The following COL23A1 variants were observed in gnomAD, a reference collection of about 807,000 sequenced individuals.
COL23A1 encodes the protein collagen type XXIII alpha 1 chain, also known as collagen alpha-1(XXIII) chain.
In COL23A1, 97 loss-of-function variants were observed where a neutral mutation model predicts 99.3. The ratio of observed to expected loss-of-function variants is 0.98; its 90% CI spans 0.83 to 1.16. The LOEUF is 1.16. Ranked by LOEUF, COL23A1 falls within the 50% of genes most tolerant of loss-of-function variation. COL23A1 has a pLI of 0.00. For synonymous variants in COL23A1, 320 were observed against 308.2 expected, an observed-to-expected ratio of 1.04 and a Z score of -0.40; for missense variants, 762 against 757.4, an observed-to-expected ratio of 1.01 and a Z score of -0.07.
At chr5:178,530,114 A>G (rs1360349242) in intron 2 of COL23A1, among the ~76,000 whole-genome samples, 1 of 152,204 alleles carries the variant, frequency 6.6e-6, no homozygotes, top group East Asian at 1.9e-4. Context: ...AAACCTACAG[A>G]TGCACAGCGG....
rs769472989 is a variant in COL23A1 at position 178,263,250 on chromosome 5, GCCAGGAGGGCCCCGGGCC to G, written c.579_596del (p.Ala194_Gly199del). The stretch of plus-strand genomic sequence containing the variant: ...CCCTGGGGCCATCTTTCCCAGTGTC[GCCAGGAGGGCCCCGGGCC>G]CCAGGAGGTCCAGGGGGCCCCGGAG... On this transcript the variant is annotated inframe_deletion, in exon 9 of 29. Coordinates refer to ENST00000390654, the MANE Select transcript of COL23A1 (RefSeq NM_173465.4). The G allele has an allele frequency of 6.2e-6, 10 of 1,613,356 alleles. No homozygotes were observed. The South Asian group carries it at 1.1e-4, about 18-fold the overall frequency.
intron 2 of COL23A1, among the ~76,000 whole-genome samples, chr5:178,539,045 T>G (rs1423759706): frequency 6.6e-6 from 1 of 152,182 alleles, no homozygotes; most frequent in Non-Finnish European, 1.5e-5. Flanking sequence ...AGAAATTAAA[T>G]AGATTCGTGG....
chr5:178,276,797 G>C (rs1756609568), intron 5 of COL23A1, among the ~76,000 whole-genome samples: 1 of 152,232 alleles, frequency 6.6e-6, no homozygotes, highest in African/African-American at 2.4e-5. Flanking sequence ...GGTGCCTTGA[G>C]GGTGGCACAA....
chr5:178,384,925 G>A lies in COL23A1; in HGVS notation c.362-78006C>T, dbSNP rs557669908. Among the ~76,000 whole-genome samples, 13 of 152,024 alleles carry A rather than the reference G, an allele frequency of 8.6e-5. No homozygotes were observed. Among genetic ancestry groups the A allele is most frequent in the Non-Finnish European group, 1.6e-4 (11 of 67,938 alleles). On this transcript the variant is annotated intron_variant, in intron 2 of 28. Coordinates refer to ENST00000390654, the MANE Select transcript of COL23A1 (RefSeq NM_173465.4). This position sits in a 1 kb window ranked among gnomAD's most constrained non-coding sequence, Gnocchi z 5.5. ...AGGTCAAATGGGTGGCGAGGCTCCC[G>A]CTCCTTCCCTGTGCCCAGCCTCCCT...
intron 2 of COL23A1, among the ~76,000 whole-genome samples, chr5:178,462,744 C>A (rs1006750277): frequency 6.6e-6 from 1 of 152,172 alleles, no homozygotes; most frequent in Non-Finnish European, 1.5e-5. Flanking sequence ...CTACAAATTA[C>A]GAGTCAGATC....
At chr5:178,579,588 G>C (rs565804256) in intron 1 of COL23A1, among the ~76,000 whole-genome samples, 2 of 152,188 alleles carry the variant, frequency 1.3e-5, no homozygotes, top group African/African-American at 4.8e-5. Context: ...CGAGTAGCTC[G>C]GATTACAGAC....
At chr5:178,422,288 C>T (rs1561957837) in intron 2 of COL23A1, among the ~76,000 whole-genome samples, 1 of 152,172 alleles carries the variant, frequency 6.6e-6, no homozygotes, top group Non-Finnish European at 1.5e-5. Context: ...AGCTCCTGCA[C>T]GTTCTTGCCC....
intron 2 of COL23A1, among the ~76,000 whole-genome samples, chr5:178,378,422 C>T (rs1401158750): frequency 6.6e-6 from 1 of 152,108 alleles, no homozygotes; most frequent in African/African-American, 2.4e-5. Context: ...TGTACTTCTG[C>T]CGCTGACTGG....
intron 2 of COL23A1, among the ~76,000 whole-genome samples, chr5:178,352,403 C>A (rs914657694): frequency 6.6e-6 from 1 of 152,252 alleles, no homozygotes; most frequent in Non-Finnish European, 1.5e-5. Flanking sequence ...GTGAGAACTT[C>A]TGCTGAAGAA....
At chr5:178,314,851 G>A (rs926327802) in intron 2 of COL23A1, among the ~76,000 whole-genome samples, 13 of 152,134 alleles carry the variant, frequency 8.5e-5, no homozygotes, top group Admixed American at 7.9e-4. Context: ...GTAGAGTCAC[G>A]CAGTTCTGAT....
At chr5:178,358,099 ATG>A (rs142465793) in intron 2 of COL23A1, among the ~76,000 whole-genome samples, 19 of 138,772 alleles carry the variant, frequency 1.4e-4, no homozygotes, top group African/African-American at 4.1e-4. Context: ...TGTAGGTCTA[ATG>A]TGTGTGTATG....
At chr5:178,562,814 T>A (rs981879220) in intron 1 of COL23A1, 5 of 151,030 alleles carry the variant, frequency 3.3e-5, no homozygotes, top group Non-Finnish European at 7.3e-5. Flanking sequence ...AGAGTGCTGA[T>A]TGGTCCACTT....
At chr5:178,348,494 T>G (rs887378191) in intron 2 of COL23A1, among the ~76,000 whole-genome samples, 2 of 152,130 alleles carry the variant, frequency 1.3e-5, no homozygotes, top group African/African-American at 4.8e-5. Context: ...GCTACCTCCC[T>G]TGGCAGTCAG....
intron 2 of COL23A1, among the ~76,000 whole-genome samples, chr5:178,445,846 G>A (rs974645660): frequency 6.6e-6 from 1 of 151,914 alleles, no homozygotes; most frequent in Non-Finnish European, 1.5e-5. Context: ...GAAATTGAAA[G>A]GCAGCTGAGA....
intron 11 of COL23A1, among the ~76,000 whole-genome samples, chr5:178,261,079 C>T (rs554456340): frequency 6.6e-6 from 1 of 151,960 alleles, no homozygotes; most frequent in East Asian, 1.9e-4. Context: ...TCTGTACTTT[C>T]TGTTTAGTTT....
chr5:178,283,078 G>A (rs1756982556), intron 5 of COL23A1, among the ~76,000 whole-genome samples: 1 of 152,016 alleles, frequency 6.6e-6, no homozygotes, highest in South Asian at 2.1e-4. Context: ...TAGAGACAGG[G>A]TTTCACCGTA....
chr5:178,351,004 G>A (rs528618748), intron 2 of COL23A1: 1 of 152,308 alleles, frequency 6.6e-6, no homozygotes, highest in Admixed American at 6.5e-5. Context: ...GCCAGCGGGG[G>A]TGGTCTCCTG....
At chr5:178,518,925 C>G (rs1435685262) in intron 2 of COL23A1, among the ~76,000 whole-genome samples, 1 of 93,172 alleles carries the variant, frequency 1.1e-5, no homozygotes, top group Non-Finnish European at 2.0e-5. Flanking sequence ...TCCCGGCGGT[C>G]GGGCGGCGGC....
intron 1 of COL23A1, among the ~76,000 whole-genome samples, chr5:178,584,341 C>T (rs1562113094): frequency 6.8e-6 from 1 of 147,998 alleles, no homozygotes; most frequent in South Asian, 2.2e-4. Flanking sequence ...CACACACACA[C>T]ACCTAGAAAT....
Sources: allele counts gnomAD v4.1 joint callset (sites outside exome capture counted in the v4.1 genomes callset), GRCh38; gene constraint gnomAD v4.1.1; non-coding constraint Gnocchi (gnomAD v3.1); transcripts MANE v1.5; gene names NCBI Gene and HGNC (gene_info 2026-07-23, HGNC 2026-07-21).